CSPP1: variants seen among roughly 807,000 people sequenced by gnomAD.
CSPP1 encodes centrosome and spindle pole associated protein 1.
Under a neutral mutation model 164.4 loss-of-function variants are expected in CSPP1, and 126 were observed. That is an observed-to-expected ratio of 0.77 (90% CI 0.66 to 0.89). The LOEUF (loss-of-function observed/expected upper bound fraction) is 0.89. CSPP1 is among the 40% of genes least tolerant of loss of function. CSPP1 has a pLI of 0.00. For missense variants in CSPP1, 1,395 were observed against 1,449.8 expected (o/e 0.96, Z 0.61); for synonymous variants, 472 against 476.7 (o/e 0.99, Z 0.13).
In CSPP1 at chr8:67,074,258, T is replaced by C. The variant is rs752660186; in HGVS notation, c.6T>C (p.Ala2=). The change falls in exon 2 of 31, where the codon GCT becomes GCC. Residue 2 remains alanine, a synonymous_variant. Transcript: ENST00000678616. ...TTTTTTAAAGAATCTGCAAAATGGC[T>C]GATAATTTGGATGAATTTATTGAAG... M[A]DNLDEFIEEQ... is the part of the protein sequence containing the mutation. 3 of 1,606,470 alleles carry C rather than the reference T, an allele frequency of 1.9e-6. No individual in the cohort carries two copies. The highest frequency in any genetic ancestry group is 1.3e-5 in the African/African-American group (1 of 74,574).
intron 4 of CSPP1, chr8:67,086,328 G>T: frequency 1.7e-6 from 1 of 580,518 alleles, no homozygotes; most frequent in Non-Finnish European, 3.2e-6. Context: ...TTGACCTTTT[G>T]ACTAAGGCAG....
At chr8:67,175,701 G>C in intron 26 of CSPP1, 1 of 555,992 alleles carries the variant, frequency 1.8e-6, no homozygotes, top group Non-Finnish European at 3.4e-6. Flanking sequence ...GACCAGGCCA[G>C]GTGACGTCTG....
At chr8:67,116,240 T>C in intron 13 of CSPP1, 118 bp downstream of exon 13, 1 of 680,002 alleles carries the variant, frequency 1.5e-6, no homozygotes, top group South Asian at 2.5e-5. Context: ...CAGTTAACAG[T>C]TTTGTGAAAT....
intron 8 of CSPP1, among the ~76,000 whole-genome samples, chr8:67,104,155 G>T (rs960473443): frequency 6.6e-6 from 1 of 151,862 alleles, no homozygotes; most frequent in African/African-American, 2.4e-5. Context: ...TCTAAGAAAA[G>T]TAATATATAA....
At chr8:67,138,477 A>AT (rs1017053065) in intron 17 of CSPP1, among the ~76,000 whole-genome samples, 68 of 151,430 alleles carry the variant, frequency 4.5e-4, no homozygotes, top group Middle Eastern at 3.4e-3. Flanking sequence ...GCAAGCATCC[A>AT]TTTTTTTTTG....
chr8:67,102,989 A>G, intron 7 of CSPP1, 48 bp from the exon 8 acceptor site: 1 of 1,049,390 alleles, frequency 9.5e-7, no homozygotes, highest in South Asian at 1.3e-5. Context: ...TGTTATAAGA[A>G]GGTCCACTGT....
chr8:67,175,279 C>T lies in CSPP1; in HGVS notation c.2969-17C>T, dbSNP rs1831336794. ...AACAACATTTAACTTAGTTATATAA[C>T]ATATTTTTTATACCAGATTCAGAAA... On this transcript the variant is annotated splice_polypyrimidine_tract_variant and intron_variant, in intron 25 of 30. Transcript: ENST00000678616. 1.9e-6 allele frequency: 3 copies of T among 1,587,208 alleles called. No homozygotes were observed. The highest frequency in any genetic ancestry group is 2.6e-6 in the Non-Finnish European group (3 of 1,161,072).
chr8:67,172,635 C>A (rs1209900783), intron 25 of CSPP1, 80 bp downstream of exon 25: 5 of 1,240,898 alleles, frequency 4.0e-6, no homozygotes, highest in East Asian at 2.6e-5. Context: ...TCTTTGTACC[C>A]TTTTTCTAAA....
chr8:67,084,739 A>AAG (rs1305394416), intron 3 of CSPP1, among the ~76,000 whole-genome samples: 53 of 151,904 alleles, frequency 3.5e-4, no homozygotes, highest in African/African-American at 1.3e-3. Context: ...ACCCTGTCTA[A>AAG]AGAGAGAGAA....
At position 67,163,237 on chromosome 8, in the gene CSPP1, G is replaced by A. The variant is rs188796748; in HGVS notation, c.2644-495G>A. On this transcript the variant is annotated intron_variant, in intron 22 of 30. Transcript: ENST00000678616. The stretch of plus-strand genomic sequence containing the variant: ...GTGTGTTGAGAAGTGAATGAGAGTA[G>A]GCAGTAGACCCAAAAGTACTGCATT... 2.3e-4 allele frequency among the ~76,000 whole-genome samples: 35 copies of A among 152,192 alleles called. 1 individual carries two copies. Among genetic ancestry groups the A allele is most frequent in the African/African-American group, 6.5e-4 (27 of 41,510 alleles).
chr8:67,126,384 G>T (rs890529137), intron 15 of CSPP1, among the ~76,000 whole-genome samples: 3 of 152,134 alleles, frequency 2.0e-5, no homozygotes, highest in African/African-American at 7.2e-5. Flanking sequence ...CTTGTGGTTT[G>T]TTGTTGTTGC....
At chr8:67,175,470 C>A in intron 26 of CSPP1, 34 bp downstream of exon 26, 1 of 1,612,702 alleles carries the variant, frequency 6.2e-7, no homozygotes, top group Non-Finnish European at 8.5e-7. Context: ...CAAATAGTAT[C>A]AGCACGCTGT....
At chr8:67,109,382 C>A (rs1165823629) in intron 9 of CSPP1, among the ~76,000 whole-genome samples, 2 of 152,172 alleles carry the variant, frequency 1.3e-5, no homozygotes, top group African/African-American at 4.8e-5. Flanking sequence ...AGGGCCCAGT[C>A]CTTCTTCTAA....
chr8:67,172,584 G>A, intron 25 of CSPP1, 29 bp downstream of exon 25: 1 of 1,583,456 alleles, frequency 6.3e-7, no homozygotes, highest in Non-Finnish European at 8.6e-7. Context: ...TTTTAAAGAT[G>A]TAGCAGAAGT....
At chr8:67,181,674 T>G (rs560015392) in intron 28 of CSPP1, among the ~76,000 whole-genome samples, 1 of 152,226 alleles carries the variant, frequency 6.6e-6, no homozygotes. Context: ...TTTAAAATTG[T>G]AAAATACACA....
At chr8:67,106,027 C>A in intron 9 of CSPP1, 52 bp downstream of exon 9, 1 of 897,726 alleles carries the variant, frequency 1.1e-6, no homozygotes. Context: ...TCTTATAATC[C>A]TTTTTTAAGT....
chr8:67,095,504 T>C lies in CSPP1; in HGVS notation c.695T>C (p.Ile232Thr), dbSNP rs780249685. Residue 232 changes from isoleucine to threonine, a missense_variant, in exon 7 of 31, where the codon ATT (isoleucine) becomes ACT (threonine). Coordinates refer to ENST00000678616, the MANE Select transcript of CSPP1 (RefSeq NM_001382391.1). ...ATCGAATTAAGGAATAGAAGAATTA[T>C]TAAAAAAGCAAATGAAGAAGTGGGC... Reference protein sequence around the residue: ...DEIELRNRRIIKKANEEVGIS... With the variant: ...DEIELRNRRITKKANEEVGIS... 9 of 1,613,420 alleles carry C rather than the reference T, an allele frequency of 5.6e-6. No individual in the cohort carries two copies. In the South Asian group the frequency reaches 7.7e-5, roughly 14 times the overall value.
intron 16 of CSPP1, among the ~76,000 whole-genome samples, chr8:67,132,710 T>C (rs1453269694): frequency 2.6e-5 from 4 of 152,140 alleles, no homozygotes; most frequent in African/African-American, 9.7e-5. Flanking sequence ...AACAGAGGGT[T>C]TGAAGATGAT....
chr8:67,140,924 C>A (rs1563662038), intron 17 of CSPP1, among the ~76,000 whole-genome samples: 1 of 152,136 alleles, frequency 6.6e-6, no homozygotes, highest in Non-Finnish European at 1.5e-5. Flanking sequence ...ATTGTTCAGA[C>A]CTAGTTATAG....
Sources: allele counts gnomAD v4.1 joint callset (sites outside exome capture counted in the v4.1 genomes callset), GRCh38; gene constraint gnomAD v4.1.1; transcripts MANE v1.5; gene names NCBI Gene and HGNC (gene_info 2026-07-23, HGNC 2026-07-21).